Variants in FANCD2 observed in about 807,000 individuals in gnomAD.
FANCD2 encodes the protein FA complementation group D2.
FANCD2 carries 131 observed loss-of-function variants against 192.3 expected under a neutral mutation model. The ratio of observed to expected loss-of-function variants is 0.68; its 90% CI spans 0.59 to 0.79. FANCD2 has a LOEUF of 0.79. Ranked by LOEUF, FANCD2 falls within the 30% of genes least tolerant of loss-of-function variation. The probability of loss-of-function intolerance (pLI) is 0.00; values close to 1 mark genes in which losing one functional copy is unlikely to be tolerated. For missense variants in FANCD2, 1,508 were observed against 1,701.6 expected (o/e 0.89, Z 2.00); for synonymous variants, 524 against 612.5 (o/e 0.86, Z 2.13).
In FANCD2 at chr3:10,092,221, G is replaced by A. The variant is rs772180708; in HGVS notation, c.3818G>A (p.Arg1273Gln). The A allele has an allele frequency of 3.7e-6, 6 of 1,613,958 alleles. No individual in the cohort carries two copies. The highest frequency in any genetic ancestry group is 2.2e-5 in the East Asian group (1 of 44,884). ...EKLLYWNMAV[R>Q]DFSILINLIK... is the part of the protein sequence containing the mutation. ...CTCCTCTACTGGAACATGGCTGTTC[G>A]AGACTTCAGTATCCTCATCAACTTG... is the stretch of plus-strand genomic sequence containing the variant. The change falls in exon 38 of 44, where the codon CGA becomes CAA. Residue 1273 changes from arginine to glutamine, a missense_variant. Arg to Gln is a conservative substitution (Grantham distance 43). Around this residue, in one of 5 missense-constraint regions of FANCD2, gnomAD observed 796 missense variants for 879.4 expected, o/e 0.91. Transcript: ENST00000675286.
At chr3:10,078,611 C>T (rs1693660158) in intron 30 of FANCD2, among the ~76,000 whole-genome samples, 1 of 151,116 alleles carries the variant, frequency 6.6e-6, no homozygotes, top group Non-Finnish European at 1.5e-5. Context: ...ACCTTGGCCT[C>T]CCAAAGTGCT....
intron 6 of FANCD2, 94 bp from the exon 7 acceptor site, chr3:10,036,193 G>T: frequency 2.0e-6 from 2 of 996,270 alleles, no homozygotes. Flanking sequence ...GGTCCAAGAG[G>T]TTCTCGTGCC....
At chr3:10,033,352 G>T (rs1204818408) in intron 3 of FANCD2, among the ~76,000 whole-genome samples, 1 of 152,094 alleles carries the variant, frequency 6.6e-6, no homozygotes, top group Non-Finnish European at 1.5e-5. Flanking sequence ...AGTGAGTCAA[G>T]ATCGCACCAC....
intron 43 of FANCD2, 91 bp downstream of exon 43, chr3:10,098,906 G>C (rs771414227): frequency 6.2e-7 from 1 of 1,614,044 alleles, no homozygotes; most frequent in Non-Finnish European, 8.5e-7. Context: ...GCCTACTTAT[G>C]TTTATTGTCA....
Position 10,046,722 on chromosome 3 carries a change from T to C in FANCD2, c.1277T>C (p.Leu426Ser). The change falls in exon 15 of 44, where the codon TTA becomes TCA. Residue 426 changes from leucine to serine, a missense_variant and splice_region_variant. Physicochemically the swap from Leu to Ser is moderately radical, Grantham distance 145. Around this residue, in one of 5 missense-constraint regions of FANCD2, gnomAD observed 108 missense variants for 174.1 expected, o/e 0.62. Transcript: ENST00000675286. ...LLQSTFSVHY[L>S]VLKDMCSSIL... ...CAGAGTACATTCTCTGTTCATTACT[T>C]AGTAAGTGTCAGAGACTATTGATTT... The C allele has an allele frequency of 1.4e-6, 2 of 1,449,642 alleles. No individual in the cohort carries two copies. The highest frequency in any genetic ancestry group is 1.8e-6 in the Non-Finnish European group (2 of 1,093,138). 89.8% of individuals were successfully genotyped at this position (1,449,642 alleles called of 1,614,324 possible).
At chr3:10,068,808 A>G (rs1356162134) in intron 26 of FANCD2, among the ~76,000 whole-genome samples, 3 of 152,334 alleles carry the variant, frequency 2.0e-5, no homozygotes, top group East Asian at 1.9e-4. Flanking sequence ...GCATATACCA[A>G]TGGAACAGAA....
At chr3:10,051,578 A>C (rs954416716) in intron 17 of FANCD2, among the ~76,000 whole-genome samples, 2 of 151,940 alleles carry the variant, frequency 1.3e-5, no homozygotes, top group Admixed American at 6.6e-5. Flanking sequence ...AGACTTGGGG[A>C]ATAGAGTCAA....
chr3:10,070,538 C>T (rs1435160410), intron 26 of FANCD2, among the ~76,000 whole-genome samples: 4 of 127,652 alleles, frequency 3.1e-5, no homozygotes, highest in Admixed American at 7.4e-5. Context: ...CCAGCCGCCC[C>T]GTCCGGGAGG....
intron 18 of FANCD2, among the ~76,000 whole-genome samples, chr3:10,054,456 T>C (rs183906839): frequency 0.097 from 2,162 of 22,266 alleles, 52 homozygotes; most frequent in Non-Finnish European, 0.14. Context: ...CATATATATA[T>C]ATATATATAT....
chr3:10,060,883 G>A (rs928173966), intron 19 of FANCD2, among the ~76,000 whole-genome samples: 1 of 152,136 alleles, frequency 6.6e-6, no homozygotes, highest in Non-Finnish European at 1.5e-5. Context: ...ATAAGATGTT[G>A]CCATTACAAA....
In FANCD2 at chr3:10,067,233, A is replaced by G; in HGVS notation, c.2410A>G (p.Thr804Ala). 1 of 1,613,128 alleles carries G rather than the reference A, an allele frequency of 6.2e-7. No homozygotes were observed. The change falls in exon 26 of 44, where the codon ACA becomes GCA. Residue 804 changes from threonine to alanine, a missense_variant. Around this residue, in one of 5 missense-constraint regions of FANCD2, gnomAD observed 796 missense variants for 879.4 expected, o/e 0.91. Transcript: ENST00000675286. ...GATTGTAAATGCCTTCTGCCAGGAAACATCACCTGAGATGAAGGGGAAGGT... is the reference window on the plus strand; with the variant it reads ...GATTGTAAATGCCTTCTGCCAGGAAGCATCACCTGAGATGAAGGGGAAGGT... ...REIVNAFCQETSPEMKGKVLT... is the reference protein window; with the variant it reads ...REIVNAFCQEASPEMKGKVLT...
chr3:10,056,005 A>T (rs2087400375), intron 18 of FANCD2, among the ~76,000 whole-genome samples: 1 of 151,980 alleles, frequency 6.6e-6, no homozygotes, highest in Non-Finnish European at 1.5e-5. Context: ...CAGCCTCCTG[A>T]GTAGCTGGGA....
chr3:10,036,572 C>T lies in FANCD2; in HGVS notation c.491+233C>T, dbSNP rs150595214. Among the ~76,000 whole-genome samples the T allele has an allele frequency of 5.9e-5, 9 of 152,212 alleles. No homozygotes were observed. The East Asian group carries it at 1.2e-3, about 20-fold the overall frequency. On this transcript the variant is annotated intron_variant, in intron 7 of 43. Transcript: ENST00000675286. ...ACTATTGGCCTGGTGCAGTGGCTCA[C>T]ACCTGTAATCCCAACAGTTTGGGAA...
chr3:10,041,828 C>A, intron 10 of FANCD2, 118 bp downstream of exon 10: 22 of 676,174 alleles, frequency 3.3e-5, no homozygotes, highest in Admixed American at 4.6e-5. Context: ...TAGTGAATCA[C>A]ATTTGATATC....
chr3:10,049,040 A>G (rs1311279219), intron 16 of FANCD2, among the ~76,000 whole-genome samples: 10 of 151,968 alleles, frequency 6.6e-5, no homozygotes, highest in Admixed American at 6.6e-4. Flanking sequence ...GAGGAATTTC[A>G]ACTGATCTTG....
At chr3:10,088,580 T>C in intron 35 of FANCD2, 38 bp downstream of exon 35, 1 of 1,388,874 alleles carries the variant, frequency 7.2e-7, no homozygotes, top group South Asian at 1.2e-5. Flanking sequence ...CCAAATAGCT[T>C]TTTTCTATTT....
chr3:10,075,728 CTTTTTTT>C (rs71052292), intron 29 of FANCD2, among the ~76,000 whole-genome samples: 3 of 106,618 alleles, frequency 2.8e-5, no homozygotes, highest in Non-Finnish European at 5.3e-5. Flanking sequence ...AAATAGTATC[CTTTTTTT>C]TTTTTTTTTT....
chr3:10,048,875 G>GTA (rs1207724506), intron 16 of FANCD2, among the ~76,000 whole-genome samples: 5 of 152,272 alleles, frequency 3.3e-5, no homozygotes, highest in Non-Finnish European at 7.3e-5. Flanking sequence ...TGGAGTGACA[G>GTA]TATAAAGGGA....
chr3:10,048,700 T>G (rs1288655675), intron 16 of FANCD2, among the ~76,000 whole-genome samples: 1 of 152,234 alleles, frequency 6.6e-6, no homozygotes, highest in Non-Finnish European at 1.5e-5. Context: ...TATTTTGTAT[T>G]TTTACATATA....
Sources: allele counts gnomAD v4.1 joint callset (sites outside exome capture counted in the v4.1 genomes callset), GRCh38; gene constraint gnomAD v4.1.1; regional missense constraint gnomAD v4.1.1; transcripts MANE v1.5; gene names NCBI Gene and HGNC (gene_info 2026-07-23, HGNC 2026-07-21).